Variants in CEP120 observed in about 807,000 individuals in gnomAD.
CEP120 encodes centrosomal protein of 120 kDa.
CEP120 carries 113 observed loss-of-function variants against 126.5 expected under a neutral mutation model. The observed-to-expected ratio is 0.89, with a 90% CI of 0.77 to 1.04. CEP120 has a LOEUF of 1.04. CEP120 is among the 50% of genes least tolerant of loss of function. CEP120 has a pLI of 0.00. For synonymous variants in CEP120, 400 were observed against 394.3 expected, an observed-to-expected ratio of 1.01 and a Z score of -0.17; for missense variants, 1,230 against 1,155.7, an observed-to-expected ratio of 1.06 and a Z score of -0.93.
At chr5:123,347,582 G>A (rs1252990073) in intron 19 of CEP120, among the ~76,000 whole-genome samples, 1 of 152,064 alleles carries the variant, frequency 6.6e-6, no homozygotes, top group Non-Finnish European at 1.5e-5. Context: ...CTGCGATTTG[G>A]GTATTTCCAA....
intron 18 of CEP120, among the ~76,000 whole-genome samples, chr5:123,352,985 T>A (rs781209358): frequency 1.4e-4 from 21 of 152,164 alleles, no homozygotes; most frequent in Middle Eastern, 3.4e-3. Flanking sequence ...CCAGCAAACT[T>A]GCTAAACTCA....
chr5:123,386,179 T>C (rs180779920), intron 10 of CEP120, among the ~76,000 whole-genome samples: 37 of 152,252 alleles, frequency 2.4e-4, no homozygotes, highest in Admixed American at 2.1e-3. Flanking sequence ...AAAGTAAATA[T>C]TTAGTTCTTA....
At chr5:123,406,934 G>C (rs970640451) in intron 4 of CEP120, among the ~76,000 whole-genome samples, 1 of 151,862 alleles carries the variant, frequency 6.6e-6, no homozygotes. Context: ...TGAAAGCAAT[G>C]ATACAAGGGA....
At chr5:123,375,215 G>C (rs1292314022) in intron 16 of CEP120, among the ~76,000 whole-genome samples, 3 of 152,020 alleles carry the variant, frequency 2.0e-5, no homozygotes, top group African/African-American at 7.2e-5. Context: ...AGTGCTTCAA[G>C]AATACAAGTG....
chr5:123,416,714 T>C (rs1052987647), intron 2 of CEP120, among the ~76,000 whole-genome samples: 13 of 152,150 alleles, frequency 8.5e-5, no homozygotes, highest in African/African-American at 3.1e-4. Flanking sequence ...ATCATGTAGG[T>C]CAATGTTTCT....
chr5:123,401,978 C>A (rs1189703026), intron 4 of CEP120: 5 of 1,602,112 alleles, frequency 3.1e-6, no homozygotes, highest in Non-Finnish European at 4.3e-6. Context: ...GGAGGCTCCA[C>A]TTGGTCTCCA....
Position 123,389,919 on chromosome 5 carries a change from C to T in CEP120, c.1255+5G>A. On this transcript the variant is annotated splice_donor_5th_base_variant and intron_variant, in intron 8 of 19. Transcript: ENST00000306467. The stretch of plus-strand genomic sequence containing the variant: ...GATCTATAAACAAACAACAAAAAAC[C>T]TTACCTTTTGGATTTGGTTTGGTGT... 1 of 1,611,072 alleles carries T rather than the reference C, an allele frequency of 6.2e-7. No individual in the cohort carries two copies. Among genetic ancestry groups the T allele is most frequent in the Non-Finnish European group, 8.5e-7 (1 of 1,177,498 alleles).
chr5:123,421,505 G>A (rs1204096306), intron 1 of CEP120, among the ~76,000 whole-genome samples: 1 of 152,176 alleles, frequency 6.6e-6, no homozygotes, highest in East Asian at 1.9e-4. Flanking sequence ...TTGCATTTAT[G>A]TCCTGGGTTG....
chr5:123,349,903 C>T lies in CEP120; in HGVS notation c.2726+41G>A, dbSNP rs1042035752. On this transcript the variant is annotated intron_variant, in intron 19 of 19. Transcript: ENST00000306467. ...ACCTCAAGTTGTACCTTCCCTGAAC[C>T]AAACTTTGGCTTTTGAAAGAAACAC... 3.8e-6 allele frequency: 6 copies of T among 1,588,180 alleles called. No homozygotes were observed. In the African/African-American group the frequency reaches 8.1e-5, roughly 21 times the overall value.
chr5:123,352,391 C>T (rs1769254435), intron 18 of CEP120, among the ~76,000 whole-genome samples: 1 of 151,840 alleles, frequency 6.6e-6, no homozygotes, highest in African/African-American at 2.4e-5. Flanking sequence ...TTTTATGTTA[C>T]CCTTTTGAAG....
intron 4 of CEP120, among the ~76,000 whole-genome samples, chr5:123,407,954 A>G (rs1222358467): frequency 4.6e-5 from 7 of 152,168 alleles, no homozygotes; most frequent in Admixed American, 2.0e-4. Context: ...TAAATAACAC[A>G]TGGGTTAAAA....
In CEP120 at chr5:123,372,715, C is replaced by T. The variant is rs748904632; in HGVS notation, c.2416G>A (p.Asp806Asn). ...ILEKEFQQFKDQQNNKPEIRL... is the reference protein window; with the variant it reads ...ILEKEFQQFKNQQNNKPEIRL... ...ATTTCTGGTTTGTTGTTTTGCTGGT[C>T]CTTGAACTGTTGGAACTCTTTTTCC... is the stretch of plus-strand genomic sequence containing the variant. Residue 806 changes from aspartate (D) to asparagine (N), a missense_variant, in exon 17 of 20, where the codon GAC (aspartate) becomes AAC (asparagine). Coordinates refer to ENST00000306467, the MANE Select transcript of CEP120 (RefSeq NM_001375405.1). 2.5e-6 allele frequency: 4 copies of T among 1,610,140 alleles called. No homozygotes were observed. The South Asian group carries it at 4.4e-5, about 18-fold the overall frequency.
chr5:123,388,417 A>T lies in CEP120; in HGVS notation c.1430+15T>A. The T allele has an allele frequency of 6.8e-7, 1 of 1,461,020 alleles. No homozygotes were observed. Among genetic ancestry groups the T allele is most frequent in the South Asian group, 1.5e-5 (1 of 66,744 alleles). 90.5% of individuals were successfully genotyped at this position (1,461,020 alleles called of 1,614,324 possible). A position where few individuals can be genotyped will look rare whatever the true frequency, so the allele number is the denominator to read the frequency against. Reference sequence around the variant, plus strand: ...TCTTCAGAAAATAATACTTTGAAACAAAATCAAATCACACCTTAATATACA... The same window carrying T: ...TCTTCAGAAAATAATACTTTGAAACTAAATCAAATCACACCTTAATATACA... On this transcript the variant is annotated intron_variant, in intron 9 of 19. Transcript: ENST00000306467.
At chr5:123,371,054 A>G (rs922775277) in intron 17 of CEP120, among the ~76,000 whole-genome samples, 3 of 151,926 alleles carry the variant, frequency 2.0e-5, no homozygotes, top group Admixed American at 6.6e-5. Flanking sequence ...ATTCCCCCAT[A>G]TGGCCAAAAA....
At position 123,391,187 on chromosome 5, in the gene CEP120, G is replaced by C; in HGVS notation, c.961C>G (p.Leu321Val). ...GCTAGCTCCACAGGAATAGGTGCAA[G>C]CTTCTGTTTGGCTCTGTTTGGAGGG... ...LDPPNRAKQKLAPIPVELAPT... is the reference protein window; with the variant it reads ...LDPPNRAKQKVAPIPVELAPT... Residue 321 changes from leucine (L) to valine (V), a missense_variant, in exon 7 of 20, where the codon CTT (leucine) becomes GTT (valine). Physicochemically the swap from Leu to Val is conservative, Grantham distance 32. Transcript: ENST00000306467. 6.2e-7 allele frequency: 1 copy of C among 1,614,170 alleles called. No homozygotes were observed. Among genetic ancestry groups the C allele is most frequent in the Non-Finnish European group, 8.5e-7 (1 of 1,180,040 alleles).
intron 4 of CEP120, among the ~76,000 whole-genome samples, chr5:123,402,746 T>G (rs1470758595): frequency 6.6e-6 from 1 of 152,156 alleles, no homozygotes; most frequent in Non-Finnish European, 1.5e-5. Context: ...AGCAAAATGG[T>G]GTATATGTGC....
At chr5:123,369,378 G>T (rs1484982971) in intron 17 of CEP120, among the ~76,000 whole-genome samples, 1 of 151,970 alleles carries the variant, frequency 6.6e-6, no homozygotes, top group African/African-American at 2.4e-5. Context: ...TAAACTAAGT[G>T]GCAGAGCTAG....
chr5:123,367,812 C>T (rs1001297144), intron 17 of CEP120, among the ~76,000 whole-genome samples: 6 of 151,794 alleles, frequency 4.0e-5, no homozygotes, highest in South Asian at 4.1e-4. Context: ...GAAAAGAATA[C>T]GTAATGAGAA....
chr5:123,358,625 T>A (rs773042489), intron 18 of CEP120, among the ~76,000 whole-genome samples: 12 of 152,108 alleles, frequency 7.9e-5, no homozygotes, highest in Non-Finnish European at 1.5e-4. Flanking sequence ...AATTTTAACA[T>A]TTTCTAAAAC....
Sources: allele counts gnomAD v4.1 joint callset (sites outside exome capture counted in the v4.1 genomes callset), GRCh38; gene constraint gnomAD v4.1.1; transcripts MANE v1.5; gene names NCBI Gene and HGNC (gene_info 2026-07-23, HGNC 2026-07-21).